The following SLC13A4 variants were observed in gnomAD, a reference collection of about 807,000 sequenced individuals.
SLC13A4 encodes Na(+)/sulfate cotransporter SUT-1.
Under a neutral mutation model 72.7 loss-of-function variants are expected in SLC13A4, and 28 were observed. The observed-to-expected ratio is 0.39, with a 90% CI of 0.29 to 0.53. The LOEUF (loss-of-function observed/expected upper bound fraction) is 0.53, where lower values mean the gene tolerates loss of function less well. Among genes scored for constraint, SLC13A4 ranks in the 20% least tolerant of loss-of-function variants. The probability of loss-of-function intolerance (pLI) is 0.78; values close to 1 mark genes in which losing one functional copy is unlikely to be tolerated. For missense variants in SLC13A4, 653 were observed against 788.0 expected (o/e 0.83, Z 2.05); for synonymous variants, 312 against 325.5 (o/e 0.96, Z 0.45).
chr7:135,687,904 G>A (rs934898804), intron 13 of SLC13A4, among the ~76,000 whole-genome samples: 1 of 152,000 alleles, frequency 6.6e-6, no homozygotes, highest in Middle Eastern at 3.4e-3. Flanking sequence ...TCTGCCTCCC[G>A]GGTCCAAATG....
At chr7:135,725,693 A>AG (rs1434989680) in intron 1 of SLC13A4, among the ~76,000 whole-genome samples, 1 of 152,202 alleles carries the variant, frequency 6.6e-6, no homozygotes, top group Admixed American at 6.5e-5. Flanking sequence ...GATGCAGGCC[A>AG]GGCACGGTGG....
chr7:135,682,692 C>T (rs1038310932), intron 15 of SLC13A4, among the ~76,000 whole-genome samples: 2 of 152,220 alleles, frequency 1.3e-5, no homozygotes, highest in Non-Finnish European at 2.9e-5. Context: ...GCTGGAACCT[C>T]ATCATTTAGC....
intron 2 of SLC13A4, among the ~76,000 whole-genome samples, chr7:135,717,551 C>T (rs1489622785): frequency 6.6e-6 from 1 of 152,220 alleles, no homozygotes; most frequent in African/African-American, 2.4e-5. Context: ...AAAATAGAAA[C>T]TTCTCCGGGT....
In SLC13A4 at chr7:135,713,782, G is replaced by A. The variant is rs192817363; in HGVS notation, c.229-5532C>T. Among the ~76,000 whole-genome samples the A allele has an allele frequency of 5.3e-5, 8 of 152,302 alleles. No homozygotes were observed. The East Asian group carries it at 9.6e-4, about 18-fold the overall frequency. On this transcript the variant is annotated intron_variant, in intron 2 of 15. Transcript: ENST00000682651. ...AGTAGAGACGGGGTTTCGCCATGTT[G>A]GCCAGGCTGGTCTTCAACGCCTGAC...
intron 13 of SLC13A4, among the ~76,000 whole-genome samples, chr7:135,690,213 C>G (rs1271887410): frequency 7.0e-6 from 1 of 142,842 alleles, no homozygotes; most frequent in South Asian, 2.2e-4. Flanking sequence ...AAAAAGAGAA[C>G]CAAGTTTAGC....
chr7:135,689,181 C>T (rs1795715995), intron 13 of SLC13A4, among the ~76,000 whole-genome samples: 1 of 151,834 alleles, frequency 6.6e-6, no homozygotes, highest in African/African-American at 2.4e-5. Context: ...CTGTGCCCAG[C>T]CCAATTTTGG....
In SLC13A4 at chr7:135,721,804, G is replaced by T. The variant is rs565083824; in HGVS notation, c.100-281C>A. 2.6e-5 allele frequency among the ~76,000 whole-genome samples: 4 copies of T among 152,328 alleles called. No homozygotes were observed. The East Asian group carries it at 7.7e-4, about 29-fold the overall frequency. On this transcript the variant is annotated intron_variant, in intron 1 of 15. Transcript: ENST00000682651. ...CTCGGAGGGTTCTGGAAACTGCCAA[G>T]GTGGGGACTGAACTTAACTGCAGTG...
chr7:135,721,967 G>T (rs1796558701), intron 1 of SLC13A4, among the ~76,000 whole-genome samples: 1 of 152,216 alleles, frequency 6.6e-6, no homozygotes, highest in South Asian at 2.1e-4. Flanking sequence ...TGTGGTGGGG[G>T]CTGGGGCTTG....
At position 135,685,693 on chromosome 7, in the gene SLC13A4, G is replaced by C; in HGVS notation, c.1447-10C>G. ...TAGAGAGGCCAGAGCTCTGTAGGAA[G>C]AGGTGTTACAGTAAGAAGAAAGGAG... On this transcript the variant is annotated splice_polypyrimidine_tract_variant and intron_variant, in intron 13 of 15. Coordinates refer to ENST00000682651, the MANE Select transcript of SLC13A4 (RefSeq NM_001318192.2). 2 of 1,609,402 alleles carry C rather than the reference G, an allele frequency of 1.2e-6. No homozygotes were observed. Among genetic ancestry groups the C allele is most frequent in the Non-Finnish European group, 1.7e-6 (2 of 1,176,122 alleles).
At chr7:135,698,902 G>T (rs1373718571) in intron 8 of SLC13A4, among the ~76,000 whole-genome samples, 1 of 152,144 alleles carries the variant, frequency 6.6e-6, no homozygotes, top group African/African-American at 2.4e-5. Flanking sequence ...CAAAGCGCTG[G>T]GATTACAGGC....
At chr7:135,722,178 A>C (rs1796562739) in intron 1 of SLC13A4, among the ~76,000 whole-genome samples, 1 of 152,248 alleles carries the variant, frequency 6.6e-6, no homozygotes, top group South Asian at 2.1e-4. Flanking sequence ...CAGGGGCTTC[A>C]GGCTGCAGTG....
At chr7:135,701,896 G>T in intron 6 of SLC13A4, 136 bp from the exon 7 acceptor site, 1 of 746,344 alleles carries the variant, frequency 1.3e-6, no homozygotes, top group Non-Finnish European at 2.2e-6. Context: ...GCCAGGGGGA[G>T]CATATACACC....
chr7:135,684,099 G>T (rs775316459), intron 15 of SLC13A4, 25 bp downstream of exon 15: 2 of 1,575,232 alleles, frequency 1.3e-6, no homozygotes, highest in South Asian at 1.2e-5. Context: ...GCTGGGCCTG[G>T]CAGGGAGAGG....
intron 2 of SLC13A4, among the ~76,000 whole-genome samples, chr7:135,716,386 C>T (rs1485158010): frequency 2.0e-5 from 3 of 152,292 alleles, no homozygotes; most frequent in South Asian, 4.1e-4. Flanking sequence ...CTCACTGTAA[C>T]CTCTGCCTCC....
At chr7:135,685,111 T>G (rs905711613) in intron 14 of SLC13A4, among the ~76,000 whole-genome samples, 3 of 152,198 alleles carry the variant, frequency 2.0e-5, no homozygotes, top group Non-Finnish European at 4.4e-5. Flanking sequence ...CTCAGTCTTT[T>G]CAGCTGTGTG....
At chr7:135,715,235 GTGTGTA>G (rs71990073) in intron 2 of SLC13A4, among the ~76,000 whole-genome samples, 45,627 of 151,270 alleles carry the variant, frequency 0.3, 7,908 homozygotes, top group Middle Eastern at 0.41. Context: ...GTGAGTGTAT[GTGTGTA>G]TGTGTATGTG....
intron 11 of SLC13A4, 164 bp downstream of exon 11, chr7:135,692,159 G>C (rs1256689476): frequency 4.7e-6 from 3 of 644,770 alleles, no homozygotes; most frequent in Non-Finnish European, 8.3e-6. Flanking sequence ...ACTCCAAAGA[G>C]TGTTTTTCCT....
At chr7:135,694,561 T>C (rs1337072079) in intron 9 of SLC13A4, among the ~76,000 whole-genome samples, 3 of 152,228 alleles carry the variant, frequency 2.0e-5, no homozygotes, top group Non-Finnish European at 4.4e-5. Context: ...GTAAGTAAAA[T>C]AATCAGTGTA....
Position 135,697,477 on chromosome 7 carries a change from C to T in SLC13A4, c.899+1887G>A, listed in dbSNP as rs146789166. The stretch of plus-strand genomic sequence containing the variant: ...GAGTTTCCCTTAAACCTGACTGTTC[C>T]TCCTCCCCACTGCACTGTCAGCCAA... On this transcript the variant is annotated intron_variant, in intron 8 of 15. Transcript: ENST00000682651. Among the ~76,000 whole-genome samples the T allele has an allele frequency of 3.8e-3, 573 of 152,264 alleles. 5 individuals carry two copies. The highest frequency in any genetic ancestry group is 0.013 in the African/African-American group (542 of 41,542).
Sources: gnomAD v4.1 joint callset for allele counts (sites outside exome capture counted in the v4.1 genomes callset) on GRCh38, gnomAD v4.1.1 for gene constraint, MANE v1.5 for transcripts, NCBI Gene and HGNC (gene_info 2026-07-23, HGNC 2026-07-21) for gene names.